The following POGLUT3 variants were observed in gnomAD, a reference collection of about 807,000 sequenced individuals.
The protein encoded by POGLUT3 is protein O-glucosyltransferase 3.
A neutral mutation model predicts 54.3 loss-of-function variants in POGLUT3; 48 were observed. The ratio of observed to expected loss-of-function variants is 0.88; its 90% CI spans 0.70 to 1.12. The LOEUF is 1.12. Ranked by LOEUF, POGLUT3 falls within the 50% of genes most tolerant of loss-of-function variation. The probability of loss-of-function intolerance (pLI) is 0.00; values close to 1 mark genes in which losing one functional copy is unlikely to be tolerated. For synonymous variants in POGLUT3, 218 were observed against 237.4 expected (o/e 0.92, Z 0.75); for missense variants, 629 against 618.7 (o/e 1.02, Z -0.18).
At chr11:108,476,895 T>C (rs890539800) in intron 7 of POGLUT3, among the ~76,000 whole-genome samples, 1 of 152,116 alleles carries the variant, frequency 6.6e-6, no homozygotes, top group Non-Finnish European at 1.5e-5. Flanking sequence ...GAGGCGACAT[T>C]TTGAGTAAAA....
rs749413640 is a variant in POGLUT3 at position 108,473,738 on chromosome 11, T to G, written c.*1089A>C. 2 of 152,186 alleles carry G rather than the reference T, an allele frequency of 1.3e-5. No homozygotes were observed. Among genetic ancestry groups the G allele is most frequent in the African/African-American group, 4.8e-5 (2 of 41,454 alleles). The allele number at this position is 152,186 out of a possible 1,614,324, so 9.4% of individuals were successfully genotyped here. Reference sequence around the variant, plus strand: ...ACAGTTATCTTTCACCTATTCAATATAGAGATAATGAATGATGCCTATAGC... The same window carrying G: ...ACAGTTATCTTTCACCTATTCAATAGAGAGATAATGAATGATGCCTATAGC... On this transcript the variant is annotated 3_prime_UTR_variant, in exon 8 of 8. Transcript: ENST00000323468.
chr11:108,479,300 C>A lies in POGLUT3; in HGVS notation c.1293+1G>T. On this transcript the variant is annotated splice_donor_variant, in intron 6 of 7. Transcript: ENST00000323468. LOFTEE classifies it high-confidence loss of function. ...AGAAATAAAAATTGCTGGACGCATA[C>A]CTTAGCCCATTTAACTTTCTCTAAT... is the stretch of plus-strand genomic sequence containing the variant. 1.9e-6 allele frequency: 3 copies of A among 1,606,488 alleles called. No homozygotes were observed. Among genetic ancestry groups the A allele is most frequent in the South Asian group, 1.1e-5 (1 of 89,658 alleles).
chr11:108,479,347 A>G lies in POGLUT3; in HGVS notation c.1247T>C (p.Ile416Thr). The G allele has an allele frequency of 6.2e-7, 1 of 1,611,972 alleles. No individual in the cohort carries two copies. Among genetic ancestry groups the G allele is most frequent in the Non-Finnish European group, 8.5e-7 (1 of 1,179,658 alleles). ...ALEPWKHYVP[I>T]KRNLSDLLEK... ...TAATAAATCACTCAGATTTCTTTTAATTGGAACATAATGCTTCCAAGGTTC... is the reference window on the plus strand; with the variant it reads ...TAATAAATCACTCAGATTTCTTTTAGTTGGAACATAATGCTTCCAAGGTTC... The change falls in exon 6 of 8, where the codon ATT becomes ACT. Residue 416 changes from isoleucine to threonine, a missense_variant. By Grantham distance (89) the Ile-to-Thr change is moderately conservative. Transcript: ENST00000323468.
Position 108,472,354 on chromosome 11 carries a change from A to G in POGLUT3, c.*2473T>C, listed in dbSNP as rs1380848039. ...TAAATATTATAGAAAGGTATAAAGC[A>G]AAAAGTAAGAATTCCCTTCACTCCA... is the stretch of plus-strand genomic sequence containing the variant. On this transcript the variant is annotated 3_prime_UTR_variant, in exon 8 of 8. Coordinates refer to ENST00000323468, the MANE Select transcript of POGLUT3 (RefSeq NM_153705.5). 6.6e-6 allele frequency: 1 copy of G among 152,212 alleles called. No homozygotes were observed. The highest frequency in any genetic ancestry group is 1.5e-5 in the Non-Finnish European group (1 of 68,052). 9.4% of individuals were successfully genotyped at this position (152,212 alleles called of 1,614,324 possible).
intron 7 of POGLUT3, 117 bp from the exon 8 acceptor site, chr11:108,475,069 C>T (rs953115780): frequency 1.9e-5 from 20 of 1,074,830 alleles, no homozygotes; most frequent in Non-Finnish European, 2.3e-5. Context: ...TGTCTGCAGA[C>T]TAAAACCAAA....
At chr11:108,486,464 G>A (rs746404147) in intron 2 of POGLUT3, 24 bp from the exon 3 acceptor site, 2 of 1,608,156 alleles carry the variant, frequency 1.2e-6, no homozygotes, top group Non-Finnish European at 1.7e-6. Flanking sequence ...ACATGAAAAA[G>A]GCCGCACTCC....
chr11:108,477,541 G>A (rs374061836), intron 7 of POGLUT3, 66 bp downstream of exon 7: 56 of 938,718 alleles, frequency 6.0e-5, no homozygotes, highest in East Asian at 4.9e-4. Flanking sequence ...GGCAGGAAGT[G>A]TACAGGCCAA....
At chr11:108,482,480 G>A (rs1028735840) in intron 3 of POGLUT3, among the ~76,000 whole-genome samples, 3 of 152,104 alleles carry the variant, frequency 2.0e-5, no homozygotes, top group Admixed American at 1.3e-4. Flanking sequence ...GAGGCTGGGC[G>A]TGGTGGCTCA....
chr11:108,495,978 CGTTT>C (rs1565752666), intron 1 of POGLUT3, among the ~76,000 whole-genome samples: 1 of 151,850 alleles, frequency 6.6e-6, no homozygotes, highest in African/African-American at 2.4e-5. Context: ...TAAACTTTTT[CGTTT>C]GTTTAAATAT....
intron 1 of POGLUT3, among the ~76,000 whole-genome samples, chr11:108,496,497 C>T (rs952616918): frequency 6.6e-6 from 1 of 152,204 alleles, no homozygotes. Flanking sequence ...GAGATGATAT[C>T]ACCTACAAAG....
At chr11:108,489,956 G>A (rs535410699) in intron 2 of POGLUT3, among the ~76,000 whole-genome samples, 2 of 152,266 alleles carry the variant, frequency 1.3e-5, no homozygotes, top group African/African-American at 4.8e-5. Context: ...CACGATCACA[G>A]CTTACCGCAG....
At chr11:108,489,839 G>C (rs1395589733) in intron 2 of POGLUT3, among the ~76,000 whole-genome samples, 1 of 152,186 alleles carries the variant, frequency 6.6e-6, no homozygotes, top group Non-Finnish European at 1.5e-5. Context: ...CTAGCTACTT[G>C]AGAGGCTGAG....
chr11:108,482,724 C>T (rs573127338), intron 3 of POGLUT3, among the ~76,000 whole-genome samples: 3 of 151,432 alleles, frequency 2.0e-5, no homozygotes, highest in South Asian at 2.1e-4. Flanking sequence ...CCAGCCTGGG[C>T]GACAGAGCAA....
intron 1 of POGLUT3, 75 bp from the exon 2 acceptor site, chr11:108,491,242 G>T: frequency 8.3e-7 from 1 of 1,203,258 alleles, no homozygotes; most frequent in Non-Finnish European, 1.2e-6. Context: ...GGTGTTATTG[G>T]ATAACTTAAA....
intron 1 of POGLUT3, among the ~76,000 whole-genome samples, chr11:108,495,358 G>A (rs1565752467): frequency 1.3e-5 from 2 of 152,122 alleles, no homozygotes; most frequent in Admixed American, 1.3e-4. Flanking sequence ...TTTTTTGGTA[G>A]ATGGGTTTTG....
At chr11:108,482,581 T>C (rs1464026184) in intron 3 of POGLUT3, among the ~76,000 whole-genome samples, 4 of 152,056 alleles carry the variant, frequency 2.6e-5, no homozygotes, top group Non-Finnish European at 5.9e-5. Flanking sequence ...ACCCTGTCTC[T>C]ACTAAACTTA....
rs2093594059 is a variant in POGLUT3 at position 108,482,132 on chromosome 11, T to C, written c.775A>G (p.Ile259Val). The C allele has an allele frequency of 1.9e-6, 3 of 1,613,824 alleles. No homozygotes were observed. The highest frequency in any genetic ancestry group is 1.1e-5 in the South Asian group (1 of 91,078). ...KVNGTPSPIP[I>V]ISWCGSLDSR... ...TCCAGAGAGCCACACCATGAAATGATAGGTATGGGGCTAGGGGTTCCATTG... is the reference window on the plus strand; with the variant it reads ...TCCAGAGAGCCACACCATGAAATGACAGGTATGGGGCTAGGGGTTCCATTG... The change falls in exon 4 of 8, where the codon ATC becomes GTC. Residue 259 changes from isoleucine to valine, a missense_variant. Transcript: ENST00000323468.
At chr11:108,495,133 GTGA>G (rs2093620007) in intron 1 of POGLUT3, among the ~76,000 whole-genome samples, 1 of 152,218 alleles carries the variant, frequency 6.6e-6, no homozygotes, top group Non-Finnish European at 1.5e-5. Flanking sequence ...TCGAATGGGA[GTGA>G]TAATAAGGGA....
At chr11:108,475,604 A>T (rs1395263611) in intron 7 of POGLUT3, among the ~76,000 whole-genome samples, 1 of 151,614 alleles carries the variant, frequency 6.6e-6, no homozygotes, top group Non-Finnish European at 1.5e-5. Flanking sequence ...AGTAGCTGGG[A>T]CTACAGGCGC....
Sources: allele counts gnomAD v4.1 joint callset (sites outside exome capture counted in the v4.1 genomes callset), GRCh38; gene constraint gnomAD v4.1.1; transcripts MANE v1.5; gene names NCBI Gene and HGNC (gene_info 2026-07-23, HGNC 2026-07-21).